Variants in ADARB2 observed in about 807,000 individuals in gnomAD.
ADARB2 encodes the protein inactive double-stranded RNA-specific editase B2.
Under a neutral mutation model 62.2 loss-of-function variants are expected in ADARB2, and 25 were observed. The ratio of observed to expected loss-of-function variants is 0.40; its 90% CI spans 0.29 to 0.56. ADARB2 has a LOEUF of 0.56. ADARB2 is among the 20% of genes least tolerant of loss of function. The probability of loss-of-function intolerance (pLI) is 0.43; values close to 1 mark genes in which losing one functional copy is unlikely to be tolerated. For missense variants in ADARB2, 1,071 were observed against 1,077.4 expected (o/e 0.99, Z 0.08); for synonymous variants, 572 against 500.8 (o/e 1.14, Z -1.90).
intron 1 of ADARB2, among the ~76,000 whole-genome samples, chr10:1,693,039 C>T (rs1588354652): frequency 6.6e-6 from 1 of 152,290 alleles, no homozygotes; most frequent in South Asian, 2.1e-4. Context: ...TCTCTTCCCT[C>T]TCCAGAAGGA....
At chr10:1,513,233 A>G (rs1235114472) in intron 1 of ADARB2, among the ~76,000 whole-genome samples, 2 of 152,216 alleles carry the variant, frequency 1.3e-5, no homozygotes, top group Non-Finnish European at 2.9e-5. Flanking sequence ...AATGTTCACT[A>G]GTTCCAAGAA....
At chr10:1,619,651 C>T (rs1242323690) in intron 1 of ADARB2, among the ~76,000 whole-genome samples, 1 of 152,116 alleles carries the variant, frequency 6.6e-6, no homozygotes, top group Non-Finnish European at 1.5e-5. Flanking sequence ...GGGGTTTCAC[C>T]ATGTTGGCCA....
chr10:1,450,965 G>A (rs1163192979), intron 1 of ADARB2, among the ~76,000 whole-genome samples: 2 of 152,204 alleles, frequency 1.3e-5, no homozygotes, highest in African/African-American at 2.4e-5. Context: ...GAGCTCCTGC[G>A]AATAGGCACA....
intron 1 of ADARB2, among the ~76,000 whole-genome samples, chr10:1,723,726 A>G (rs1835127339): frequency 6.6e-6 from 1 of 152,142 alleles, no homozygotes; most frequent in East Asian, 1.9e-4. Context: ...GAAGGGAGAA[A>G]TCAAAAGGTG....
chr10:1,360,085 T>C (rs1406236411), intron 3 of ADARB2, among the ~76,000 whole-genome samples: 1 of 152,234 alleles, frequency 6.6e-6, no homozygotes, highest in Non-Finnish European at 1.5e-5. Context: ...AGACGTGGTT[T>C]TGTGGTCCTG....
At chr10:1,250,786 C>T (rs555364556) in intron 4 of ADARB2, among the ~76,000 whole-genome samples, 4 of 152,158 alleles carry the variant, frequency 2.6e-5, no homozygotes, top group Admixed American at 1.3e-4. Context: ...AAAAGGAAAC[C>T]CAGAAAATTC....
intron 3 of ADARB2, among the ~76,000 whole-genome samples, chr10:1,345,885 G>A (rs1237307772): frequency 6.6e-6 from 1 of 152,168 alleles, no homozygotes; most frequent in Non-Finnish European, 1.5e-5. Context: ...ACTGAATAAA[G>A]CCTCCACACC....
rs1471051823 is a variant in ADARB2 at position 1,329,559 on chromosome 10, G to A, written c.1077+33469C>T. On this transcript the variant is annotated intron_variant, in intron 3 of 9. Transcript: ENST00000381312. Reference sequence around the variant, plus strand: ...GTCTTGGTCTCCTGACCCTTGCTGGGATCCAGGTGGTGGTTTCTGCCCCAT... The same window carrying A: ...GTCTTGGTCTCCTGACCCTTGCTGGAATCCAGGTGGTGGTTTCTGCCCCAT... 5.3e-5 allele frequency among the ~76,000 whole-genome samples: 8 copies of A among 152,334 alleles called. 1 individual carries two copies. The highest frequency in any genetic ancestry group is 3.9e-4 in the Admixed American group (6 of 15,304).
intron 3 of ADARB2, among the ~76,000 whole-genome samples, chr10:1,346,317 A>G (rs1338164473): frequency 6.6e-6 from 1 of 152,184 alleles, no homozygotes; most frequent in Non-Finnish European, 1.5e-5. Flanking sequence ...GAGATTGGGA[A>G]TAACGAGTTC....
intron 1 of ADARB2, among the ~76,000 whole-genome samples, chr10:1,562,695 A>G (rs148542101): frequency 3.0e-4 from 46 of 152,338 alleles, no homozygotes; most frequent in Middle Eastern, 6.8e-3. Flanking sequence ...CTAGACCTGA[A>G]TTCAAATCAT....
Position 1,184,857 on chromosome 10 carries a change from C to G in ADARB2, c.2043+4G>C. On this transcript the variant is annotated splice_donor_region_variant and intron_variant, in intron 9 of 9. Coordinates refer to ENST00000381312, the MANE Select transcript of ADARB2 (RefSeq NM_018702.4). ...GTTTCCCTGCAAGGATGGGTGCGACCTACCCTGCCATACAGCCGCGCCCAC... is the reference window on the plus strand; with the variant it reads ...GTTTCCCTGCAAGGATGGGTGCGACGTACCCTGCCATACAGCCGCGCCCAC... The G allele has an allele frequency of 6.2e-7, 1 of 1,611,370 alleles. No individual in the cohort carries two copies. Among genetic ancestry groups the G allele is most frequent in the Non-Finnish European group, 8.5e-7 (1 of 1,178,610 alleles).
intron 3 of ADARB2, among the ~76,000 whole-genome samples, chr10:1,340,630 CACACCCCACA>C: frequency 2.4e-5 from 1 of 41,322 alleles, no homozygotes; most frequent in Non-Finnish European, 5.0e-5. Flanking sequence ...CAGAGAACCA[CACACCCCACA>C]GCGGCAATAA....
At chr10:1,364,963 C>T (rs1832300460) in intron 2 of ADARB2, among the ~76,000 whole-genome samples, 1 of 151,832 alleles carries the variant, frequency 6.6e-6, no homozygotes, top group African/African-American at 2.4e-5. Context: ...ACCTCCGCCT[C>T]CCAGATTCAA....
chr10:1,608,774 GAGAAAGAAAGAA>G (rs72347975), intron 1 of ADARB2, among the ~76,000 whole-genome samples: 2 of 139,418 alleles, frequency 1.4e-5, no homozygotes, highest in South Asian at 2.4e-4. Context: ...GAAAGAGAAA[GAGAAAGAAAGAA>G]AGAAAGAAAG....
intron 1 of ADARB2, among the ~76,000 whole-genome samples, chr10:1,593,310 CCTCT>C: frequency 6.8e-6 from 1 of 147,652 alleles, no homozygotes; most frequent in Non-Finnish European, 1.5e-5. Flanking sequence ...GGCATGGTCC[CCTCT>C]GTCACCCAGC....
intron 1 of ADARB2, among the ~76,000 whole-genome samples, chr10:1,514,591 C>T (rs55775929): frequency 0.032 from 4,816 of 151,986 alleles, 246 homozygotes; most frequent in African/African-American, 0.11. Context: ...TCCTGCACAG[C>T]GGCCCCTGGC....
At chr10:1,191,101 C>T (rs528309927) in intron 8 of ADARB2, among the ~76,000 whole-genome samples, 1 of 152,146 alleles carries the variant, frequency 6.6e-6, no homozygotes, top group East Asian at 1.9e-4. Flanking sequence ...GGGCCCCACA[C>T]TCCGCAGAAT....
At chr10:1,198,499 G>A (rs1183182722) in intron 8 of ADARB2, among the ~76,000 whole-genome samples, 1 of 152,224 alleles carries the variant, frequency 6.6e-6, no homozygotes, top group Non-Finnish European at 1.5e-5. Context: ...CAGCTTAGGG[G>A]TTGCATGCAG....
chr10:1,498,882 C>G (rs1400742108), intron 1 of ADARB2, among the ~76,000 whole-genome samples: 3 of 151,902 alleles, frequency 2.0e-5, no homozygotes, highest in Admixed American at 2.0e-4. Context: ...TCAGTCATTA[C>G]TCATTCATCA....
Sources: allele counts gnomAD v4.1 joint callset (sites outside exome capture counted in the v4.1 genomes callset), GRCh38; gene constraint gnomAD v4.1.1; transcripts MANE v1.5; gene names NCBI Gene and HGNC (gene_info 2026-07-23, HGNC 2026-07-21).